ETFDH: variants seen among roughly 807,000 people sequenced by gnomAD.
ETFDH encodes the protein electron transfer flavoprotein-ubiquinone oxidoreductase, mitochondrial.
In ETFDH, 61 loss-of-function variants were observed where a neutral mutation model predicts 73.2. The observed-to-expected ratio is 0.83, with a 90% CI of 0.68 to 1.03. The LOEUF (loss-of-function observed/expected upper bound fraction) is 1.03. Among genes scored for constraint, ETFDH ranks in the 50% least tolerant of loss-of-function variants. The pLI, the probability that ETFDH is intolerant of heterozygous loss-of-function variation, is 0.00. For synonymous variants in ETFDH, 243 were observed against 253.3 expected, an observed-to-expected ratio of 0.96 and a Z score of 0.39; for missense variants, 685 against 745.0, an observed-to-expected ratio of 0.92 and a Z score of 0.94.
chr4:158,688,847 A>G (rs1206636512), intron 5 of ETFDH, among the ~76,000 whole-genome samples: 1 of 152,228 alleles, frequency 6.6e-6, no homozygotes, highest in African/African-American at 2.4e-5. Context: ...TTCATTACAT[A>G]CATGTTAACT....
chr4:158,678,459 A>G (rs1039308719), intron 1 of ETFDH, among the ~76,000 whole-genome samples: 3 of 152,176 alleles, frequency 2.0e-5, no homozygotes, highest in Admixed American at 1.3e-4. Flanking sequence ...TCAGGGATAC[A>G]TGGTATCAAT....
intron 5 of ETFDH, among the ~76,000 whole-genome samples, chr4:158,688,668 A>G (rs143114765): frequency 0.012 from 1,772 of 152,206 alleles, 27 homozygotes; most frequent in African/African-American, 0.038. Flanking sequence ...GCAAGAGTCC[A>G]TCTCAAAAAA....
chr4:158,693,389 T>C (rs1250352719), intron 6 of ETFDH, among the ~76,000 whole-genome samples: 1 of 152,200 alleles, frequency 6.6e-6, no homozygotes, highest in African/African-American at 2.4e-5. Flanking sequence ...GTTAAGTAAC[T>C]TGGCTGGGGT....
At chr4:158,677,262 G>A (rs1773733251) in intron 1 of ETFDH, among the ~76,000 whole-genome samples, 1 of 152,216 alleles carries the variant, frequency 6.6e-6, no homozygotes, top group Non-Finnish European at 1.5e-5. Context: ...AGGTGGCTGG[G>A]TTACAGCTTG....
At chr4:158,706,908 T>C in intron 12 of ETFDH, 58 bp downstream of exon 12, 2 of 1,184,388 alleles carry the variant, frequency 1.7e-6, no homozygotes, top group East Asian at 2.3e-5. Context: ...AATGTGATTT[T>C]GTTCTTTTAA....
chr4:158,690,010 C>A (rs1774121519), intron 5 of ETFDH, among the ~76,000 whole-genome samples: 1 of 152,094 alleles, frequency 6.6e-6, no homozygotes, highest in Non-Finnish European at 1.5e-5. Flanking sequence ...GTGTTACAGG[C>A]CTCCATTTCA....
At chr4:158,673,699 A>C (rs1189072159) in intron 1 of ETFDH, among the ~76,000 whole-genome samples, 1 of 152,212 alleles carries the variant, frequency 6.6e-6, no homozygotes, top group African/African-American at 2.4e-5. Context: ...TGGAACGTTA[A>C]AGTAGTCAGA....
chr4:158,686,834 TC>T (rs1011859153), intron 5 of ETFDH, among the ~76,000 whole-genome samples: 1 of 151,954 alleles, frequency 6.6e-6, no homozygotes, highest in Non-Finnish European at 1.5e-5. Flanking sequence ...AGGTAAGACT[TC>T]CCCCTCACCC....
chr4:158,686,272 A>T (rs565492299), intron 5 of ETFDH, among the ~76,000 whole-genome samples: 2 of 152,286 alleles, frequency 1.3e-5, no homozygotes, highest in East Asian at 3.9e-4. Context: ...CACCCATCAT[A>T]AGGGTCATAG....
In ETFDH at chr4:158,690,564, A is replaced by G. The variant is rs972201599; in HGVS notation, c.684+139A>G. The G allele has an allele frequency of 2.4e-5, 17 of 699,584 alleles. No homozygotes were observed. In the Admixed American group the frequency reaches 3.5e-4, roughly 14 times the overall value. The allele number at this position is 699,584 out of a possible 1,614,324, so 43.3% of individuals were successfully genotyped here. On this transcript the variant is annotated intron_variant, in intron 6 of 12. Coordinates refer to ENST00000511912, the MANE Select transcript of ETFDH (RefSeq NM_004453.4). ...CTTCGTGGTATACACCTGTAGTCCTAGCTACTTTGGAGGCTGAAACAGGAG... is the reference window on the plus strand; with the variant it reads ...CTTCGTGGTATACACCTGTAGTCCTGGCTACTTTGGAGGCTGAAACAGGAG...
At chr4:158,707,822 A>C (rs1269906756) in intron 12 of ETFDH, among the ~76,000 whole-genome samples, 1 of 152,238 alleles carries the variant, frequency 6.6e-6, no homozygotes, top group Admixed American at 6.5e-5. Flanking sequence ...GAGGTTGCTA[A>C]GGTCTATGGT....
At chr4:158,698,300 A>C (rs1056250958) in intron 8 of ETFDH, among the ~76,000 whole-genome samples, 3 of 152,168 alleles carry the variant, frequency 2.0e-5, no homozygotes, top group Admixed American at 1.3e-4. Flanking sequence ...CCTCCATATG[A>C]TACATTGTTA....
Position 158,697,677 on chromosome 4 carries a change from C to G in ETFDH, c.950C>G (p.Pro317Arg). 1 of 1,613,728 alleles carries G rather than the reference C, an allele frequency of 6.2e-7. No individual in the cohort carries two copies. The highest frequency in any genetic ancestry group is 2.2e-5 in the East Asian group (1 of 44,854). ...CTCTATCATTTGAATGAAGGTGAAC[C>G]CCTAGTAGCTCTTGGTCTTGTGGTA... ...SFLYHLNEGE[P>R]LVALGLVVGL... The change falls in exon 8 of 13, where the codon CCC (proline) becomes CGC (arginine). Residue 317 changes from proline to arginine, a missense_variant. Transcript: ENST00000511912.
chr4:158,680,729 C>A, intron 2 of ETFDH, 122 bp downstream of exon 2: 2 of 821,890 alleles, frequency 2.4e-6, no homozygotes, highest in Non-Finnish European at 4.1e-6. Context: ...GTGGCTTTAC[C>A]AAGTCACATG....
chr4:158,703,722 C>T, intron 10 of ETFDH, 131 bp downstream of exon 10: 1 of 656,294 alleles, frequency 1.5e-6, no homozygotes, highest in Non-Finnish European at 2.7e-6. Context: ...GCAAAGAAAA[C>T]TACATGGCTT....
Position 158,695,578 on chromosome 4 carries a change from C to T in ETFDH, c.766C>T (p.Leu256=), listed in dbSNP as rs1302859226. 1 of 1,611,502 alleles carries T rather than the reference C, an allele frequency of 6.2e-7. No individual in the cohort carries two copies. The highest frequency in any genetic ancestry group is 8.5e-7 in the Non-Finnish European group (1 of 1,177,726). ...TTGCCATGGACATCTAGCCAAGCAA[C>T]TATATAAGAAGTTTGATTTGAGAGC... The part of the protein sequence containing the change: ...EGCHGHLAKQ[L]YKKFDLRANC... Residue 256 remains leucine, a synonymous_variant, in exon 7 of 13, where the codon CTA becomes TTA. Coordinates refer to ENST00000511912, the MANE Select transcript of ETFDH (RefSeq NM_004453.4).
Position 158,682,343 on chromosome 4 carries a change from G to T in ETFDH, c.324G>T (p.Gln108His). The change falls in exon 3 of 13, where the codon CAG becomes CAT. Residue 108 changes from glutamine to histidine, a missense_variant. Around this residue, in one of 3 missense-constraint regions of ETFDH, gnomAD observed 405 missense variants for 399.3 expected, o/e 1.01. Coordinates refer to ENST00000511912, the MANE Select transcript of ETFDH (RefSeq NM_004453.4). ...TGTGTCTAGTGGAGAAAGCTGCCCA[G>T]ATAGGAGCTCATACTCTCTCAGGGG... Reference protein sequence around the residue: ...IRVCLVEKAAQIGAHTLSGAC... With the variant: ...IRVCLVEKAAHIGAHTLSGAC... The T allele has an allele frequency of 6.2e-7, 1 of 1,614,138 alleles. No individual in the cohort carries two copies. The highest frequency in any genetic ancestry group is 8.5e-7 in the Non-Finnish European group (1 of 1,180,022).
intron 3 of ETFDH, among the ~76,000 whole-genome samples, chr4:158,682,652 G>A (rs1773894864): frequency 6.6e-6 from 1 of 151,560 alleles, no homozygotes; most frequent in Non-Finnish European, 1.5e-5. Flanking sequence ...TCCTGCCTCA[G>A]TCTCCCTAGT....
chr4:158,675,247 TA>T (rs1337191363), intron 1 of ETFDH, among the ~76,000 whole-genome samples: 1 of 152,238 alleles, frequency 6.6e-6, no homozygotes, highest in Non-Finnish European at 1.5e-5. Flanking sequence ...TCTGTCTCTA[TA>T]AACTAGCCTA....
Sources: allele counts gnomAD v4.1 joint callset (sites outside exome capture counted in the v4.1 genomes callset), GRCh38; gene constraint gnomAD v4.1.1; regional missense constraint gnomAD v4.1.1; transcripts MANE v1.5; gene names NCBI Gene and HGNC (gene_info 2026-07-23, HGNC 2026-07-21).